Variants in PCDHA9 observed in about 807,000 individuals in gnomAD.
PCDHA9 encodes protocadherin alpha 9.
Under a neutral mutation model 62.0 loss-of-function variants are expected in PCDHA9, and 62 were observed. The ratio of observed to expected loss-of-function variants is 1.00; its 90% CI spans 0.81 to 1.23. The LOEUF (loss-of-function observed/expected upper bound fraction) is 1.23. PCDHA9 is among the 50% of genes most tolerant of loss of function. The pLI, the probability that PCDHA9 is intolerant of heterozygous loss-of-function variation, is 0.00. For synonymous variants in PCDHA9, 557 were observed against 567.6 expected (o/e 0.98, Z 0.27); for missense variants, 1,205 against 1,249.8 (o/e 0.96, Z 0.54).
chr5:140,945,654 AT>A (rs1230046600), intron 1 of PCDHA9, among the ~76,000 whole-genome samples: 5 of 152,294 alleles, frequency 3.3e-5, no homozygotes, highest in Admixed American at 3.3e-4. Flanking sequence ...ATGGAGCAGA[AT>A]ACAGCTCCCA....
chr5:140,876,867 G>A, intron 1 of PCDHA9: 1 of 1,614,152 alleles, frequency 6.2e-7, no homozygotes, highest in Non-Finnish European at 8.5e-7. Context: ...TGTTCGTGAA[G>A]GAGAACAACC....
At chr5:140,913,145 G>A (rs2076230074) in intron 1 of PCDHA9, among the ~76,000 whole-genome samples, 1 of 152,150 alleles carries the variant, frequency 6.6e-6, no homozygotes, top group Non-Finnish European at 1.5e-5. Context: ...TTTTGGAATA[G>A]TTTGAGTAGG....
At chr5:140,863,008 T>A (rs782045594) in intron 1 of PCDHA9, 1 of 551,826 alleles carries the variant, frequency 1.8e-6, no homozygotes, top group Non-Finnish European at 3.6e-6. Context: ...ACTCCAGCTA[T>A]GACGCCTGGT....
At chr5:140,856,271 G>A (rs782472888) in intron 1 of PCDHA9, 1 of 1,598,148 alleles carries the variant, frequency 6.3e-7, no homozygotes, top group Admixed American at 1.7e-5. Flanking sequence ...GGACCTTCTG[G>A]AGGTAAATCT....
chr5:140,874,005 C>T (rs887497526), intron 1 of PCDHA9, among the ~76,000 whole-genome samples: 1 of 152,100 alleles, frequency 6.6e-6, no homozygotes, highest in South Asian at 2.1e-4. Context: ...GTACATTGAC[C>T]ACTTTTGAAA....
chr5:140,865,903 ATCTT>A (rs1453140496), intron 1 of PCDHA9: 10 of 152,252 alleles, frequency 6.6e-5, no homozygotes, highest in African/African-American at 1.9e-4. Flanking sequence ...GTACAGGCAA[ATCTT>A]TCTTTCTGTT....
chr5:140,957,328 G>A (rs1312649094), intron 1 of PCDHA9, among the ~76,000 whole-genome samples: 1 of 152,134 alleles, frequency 6.6e-6, no homozygotes, highest in Admixed American at 6.5e-5. Context: ...GCACAGTACA[G>A]TAAGATATTT....
chr5:140,887,224 G>A (rs1554182948), intron 1 of PCDHA9, among the ~76,000 whole-genome samples: 1 of 151,812 alleles, frequency 6.6e-6, no homozygotes, highest in Non-Finnish European at 1.5e-5. Context: ...AGCCTCCCGA[G>A]TAGCTGAGAC....
chr5:140,882,705 G>T, intron 1 of PCDHA9: 1 of 1,614,172 alleles, frequency 6.2e-7, no homozygotes, highest in South Asian at 1.1e-5. Flanking sequence ...GCAGAATCTA[G>T]ACCTCCGGAA....
intron 1 of PCDHA9, chr5:140,884,343 C>T (rs368888498): frequency 1.2e-6 from 2 of 1,613,900 alleles, no homozygotes; most frequent in Non-Finnish European, 1.7e-6. Context: ...CCAGAAGCGG[C>T]GCTGGTGGAT....
In PCDHA9 at chr5:140,876,439, A is replaced by G; in HGVS notation, c.2394+25550A>G. 4 of 1,613,988 alleles carry G rather than the reference A, an allele frequency of 2.5e-6. No individual in the cohort carries two copies. The East Asian group carries it at 8.9e-5, about 36-fold the overall frequency. ...TGCCTATGAAATTCAGGTTAACGCC[A>G]TTGATAAAGGGATTCCTTCCATGGC... is the stretch of plus-strand genomic sequence containing the variant. On this transcript the variant is annotated intron_variant, in intron 1 of 3. Transcript: ENST00000532602.
Position 140,885,215 on chromosome 5 carries a change from A to T in PCDHA9, c.2394+34326A>T, listed in dbSNP as rs564445744. Among the ~76,000 whole-genome samples the T allele has an allele frequency of 2.8e-3, 423 of 152,102 alleles. 2 individuals carry two copies. The highest frequency in any genetic ancestry group is 0.014 in the Middle Eastern group (4 of 294). On this transcript the variant is annotated intron_variant, in intron 1 of 3. Transcript: ENST00000532602. ...CCCTCTCATATATCCCATGAAAAAT[A>T]TCTTGTGATTCTGCTTTCAATTTTT... is the stretch of plus-strand genomic sequence containing the variant.
At chr5:140,856,746 A>G (rs996216348) in intron 1 of PCDHA9, 1 of 1,596,552 alleles carries the variant, frequency 6.3e-7, no homozygotes, top group Non-Finnish European at 8.6e-7. Context: ...CTGGTGTTAG[A>G]TGCCAATGAT....
At chr5:140,901,137 A>T (rs2068464747) in intron 1 of PCDHA9, among the ~76,000 whole-genome samples, 1 of 151,974 alleles carries the variant, frequency 6.6e-6, no homozygotes, top group South Asian at 2.1e-4. Flanking sequence ...TAGATTGTAA[A>T]TATTTTCTCT....
intron 1 of PCDHA9, chr5:140,867,897 T>C (rs1402943903): frequency 6.6e-6 from 1 of 152,136 alleles, no homozygotes; most frequent in East Asian, 1.9e-4. Flanking sequence ...ATCAGGTACT[T>C]ACAGAAGGTA....
chr5:141,000,112 C>T (rs1404445521), intron 3 of PCDHA9, among the ~76,000 whole-genome samples: 1 of 152,128 alleles, frequency 6.6e-6, no homozygotes. Flanking sequence ...CGTCTCTTCC[C>T]TCATCCCCAA....
At chr5:140,999,980 C>G (rs1386394350) in intron 3 of PCDHA9, among the ~76,000 whole-genome samples, 1 of 152,076 alleles carries the variant, frequency 6.6e-6, no homozygotes, top group East Asian at 1.9e-4. Flanking sequence ...GCTCTAGCGG[C>G]CTCTGGGTAG....
intron 1 of PCDHA9, chr5:140,882,202 T>A: frequency 2.0e-6 from 3 of 1,529,778 alleles, no homozygotes; most frequent in Non-Finnish European, 2.6e-6. Context: ...AAATTGGGCC[T>A]TGAGAGACAG....
At chr5:140,869,258 TG>T in intron 1 of PCDHA9, 1 of 1,613,558 alleles carries the variant, frequency 6.2e-7, no homozygotes, top group Non-Finnish European at 8.5e-7. Context: ...GCGCAGGACC[TG>T]GGGCTGGAGC....
Sources: gnomAD v4.1 joint callset for allele counts (sites outside exome capture counted in the v4.1 genomes callset) on GRCh38, gnomAD v4.1.1 for gene constraint, MANE v1.5 for transcripts, NCBI Gene and HGNC (gene_info 2026-07-23, HGNC 2026-07-21) for gene names.